Variants in BCAS3 observed in about 807,000 individuals in gnomAD.
BCAS3 encodes BCAS4/BCAS3 fusion.
Under a neutral mutation model 116.1 loss-of-function variants are expected in BCAS3, and 53 were observed. That is an observed-to-expected ratio of 0.46 (90% confidence interval 0.37 to 0.57). BCAS3 has a LOEUF of 0.57. Ranked by LOEUF, BCAS3 falls within the 20% of genes least tolerant of loss-of-function variation. The pLI is 0.00. For synonymous variants in BCAS3, 391 were observed against 408.2 expected, an observed-to-expected ratio of 0.96 and a Z score of 0.51; for missense variants, 917 against 1,165.4, an observed-to-expected ratio of 0.79 and a Z score of 3.10.
chr17:61,060,131 T>C (rs1310440041), intron 19 of BCAS3, among the ~76,000 whole-genome samples: 2 of 152,048 alleles, frequency 1.3e-5, no homozygotes, highest in Non-Finnish European at 2.9e-5. Context: ...TTATTATTTT[T>C]ATTTTTATTT....
At chr17:60,822,233 T>C (rs1294153512) in intron 7 of BCAS3, among the ~76,000 whole-genome samples, 4 of 152,260 alleles carry the variant, frequency 2.6e-5, no homozygotes, top group African/African-American at 9.6e-5. Flanking sequence ...TTCTGCCACT[T>C]GAGAAACACT....
intron 22 of BCAS3, among the ~76,000 whole-genome samples, chr17:61,297,407 A>ACTGT (rs1602496608): frequency 6.6e-6 from 1 of 152,094 alleles, no homozygotes; most frequent in Non-Finnish European, 1.5e-5. Flanking sequence ...ATTGGCTTAG[A>ACTGT]CTGTCTGGTG....
At chr17:60,926,892 T>C (rs1403279403) in intron 13 of BCAS3, among the ~76,000 whole-genome samples, 1 of 152,252 alleles carries the variant, frequency 6.6e-6, no homozygotes, top group Non-Finnish European at 1.5e-5. Context: ...TTTGTGTTTA[T>C]ACGATAAGGT....
chr17:61,004,092 G>T lies in BCAS3; in HGVS notation c.1487-11659G>T, dbSNP rs1480684818. Among the ~76,000 whole-genome samples, 1 of 152,062 alleles carries T rather than the reference G, an allele frequency of 6.6e-6. No individual in the cohort carries two copies. The highest frequency in any genetic ancestry group is 2.4e-5 in the African/African-American group (1 of 41,422). On this transcript the variant is annotated intron_variant, in intron 15 of 23. Transcript: ENST00000407086. This position sits in a 1 kb window ranked among gnomAD's most constrained non-coding sequence, Gnocchi z 4.8. The stretch of plus-strand genomic sequence containing the variant: ...TAACATTATTTTTGTCTAGTGATTA[G>T]AATAACAAAAAGAGGATTTGGAGAA...
At chr17:60,722,218 C>T (rs191034696) in intron 5 of BCAS3, among the ~76,000 whole-genome samples, 2 of 152,138 alleles carry the variant, frequency 1.3e-5, no homozygotes, top group African/African-American at 4.8e-5. Flanking sequence ...TTTTGGTGTA[C>T]GTAAACACTC....
In BCAS3 at chr17:61,249,180, G is replaced by A. The variant is rs538454249; in HGVS notation, c.2426-119147G>A. Among the ~76,000 whole-genome samples the A allele has an allele frequency of 6.0e-4, 92 of 152,146 alleles. No homozygotes were observed. The highest frequency in any genetic ancestry group is 2.1e-3 in the African/African-American group (87 of 41,512). On this transcript the variant is annotated intron_variant, in intron 22 of 23. Transcript: ENST00000407086. The surrounding 1 kb of genome is among the most constrained non-coding windows in gnomAD (Gnocchi z 6.2). Reference sequence around the variant, plus strand: ...CGGGTGCCTGTAATCCCAGCTACTCGGGAGGCTGAGGCAGGAGAATCACTT... The same window carrying A: ...CGGGTGCCTGTAATCCCAGCTACTCAGGAGGCTGAGGCAGGAGAATCACTT...
intron 22 of BCAS3, among the ~76,000 whole-genome samples, chr17:61,206,615 C>T (rs969041520): frequency 3.3e-5 from 5 of 151,902 alleles, no homozygotes; most frequent in Admixed American, 1.3e-4. Context: ...GCCTGATCAA[C>T]GTGGTGAAAC....
At chr17:60,986,250 C>G (rs1488576040) in intron 14 of BCAS3, among the ~76,000 whole-genome samples, 1 of 152,106 alleles carries the variant, frequency 6.6e-6, no homozygotes, top group East Asian at 1.9e-4. Context: ...GTTGATGGGT[C>G]CTTAGGTTGC....
At position 61,139,571 on chromosome 17, in the gene BCAS3, G is replaced by A. The variant is rs2076816809; in HGVS notation, c.2425+55007G>A. 6.6e-6 allele frequency among the ~76,000 whole-genome samples: 1 copy of A among 152,122 alleles called. No homozygotes were observed. Among genetic ancestry groups the A allele is most frequent in the Admixed American group, 6.5e-5 (1 of 15,286 alleles). ...AGCTACCTAAGAAACTCCCTTTGAAGGATTCCTTGTGTGGACTGCTTATCA... is the reference window on the plus strand; with the variant it reads ...AGCTACCTAAGAAACTCCCTTTGAAAGATTCCTTGTGTGGACTGCTTATCA... On this transcript the variant is annotated intron_variant, in intron 22 of 23. Transcript: ENST00000407086. This position sits in a 1 kb window ranked among gnomAD's most constrained non-coding sequence, Gnocchi z 4.7.
rs72319489 is a variant in BCAS3 at position 60,786,547 on chromosome 17, G to GTATA, written c.404-21436_404-21433dup. On this transcript the variant is annotated intron_variant, in intron 6 of 23. Coordinates refer to ENST00000407086, the MANE Select transcript of BCAS3 (RefSeq NM_017679.5). Reference sequence around the variant, plus strand: ...AACATTCCCCACTGCCTGCAAATGTGTATATATATATATATATATATATAA... The same window carrying GTATA: ...AACATTCCCCACTGCCTGCAAATGTGTATATATATATATATATATATATATATAA... 2.3e-3 allele frequency among the ~76,000 whole-genome samples: 329 copies of GTATA among 140,744 alleles called. 2 individuals carry two copies. The highest frequency in any genetic ancestry group is 7.7e-3 in the South Asian group (32 of 4,164). The allele number at this position is 140,744 out of a possible 152,430, so 92.3% of individuals were successfully genotyped here.
chr17:60,991,303 C>G (rs1255006227), intron 15 of BCAS3, among the ~76,000 whole-genome samples: 1 of 152,158 alleles, frequency 6.6e-6, no homozygotes, highest in Admixed American at 6.5e-5. Context: ...ATTTACAGCT[C>G]TCATTTATTC....
intron 22 of BCAS3, among the ~76,000 whole-genome samples, chr17:61,232,214 A>AG (rs1374209766): frequency 1.3e-5 from 2 of 151,498 alleles, no homozygotes; most frequent in African/African-American, 4.8e-5. Context: ...AAAAAAAAAA[A>AG]AAAAAAAGAA....
At chr17:61,351,714 A>G (rs2143342225) in intron 22 of BCAS3, among the ~76,000 whole-genome samples, 1 of 152,296 alleles carries the variant, frequency 6.6e-6, no homozygotes, top group East Asian at 1.9e-4. Context: ...CCCCTTCCGC[A>G]TCTCAGAATG....
Position 61,368,583 on chromosome 17 carries a change from G to A in BCAS3, c.2593+89G>A. 2 of 1,410,058 alleles carry A rather than the reference G, an allele frequency of 1.4e-6. No individual in the cohort carries two copies. The highest frequency in any genetic ancestry group is 1.9e-6 in the Non-Finnish European group (2 of 1,054,596). 87.3% of individuals were successfully genotyped at this position (1,410,058 alleles called of 1,614,324 possible). A position where few individuals can be genotyped will look rare whatever the true frequency, so the allele number is the denominator to read the frequency against. Reference sequence around the variant, plus strand: ...TCTCTGGAATCGTTTGTGGGCATATGTTTGTTTTTGCTGTTGGTTTCTTTA... The same window carrying A: ...TCTCTGGAATCGTTTGTGGGCATATATTTGTTTTTGCTGTTGGTTTCTTTA... On this transcript the variant is annotated intron_variant, in intron 23 of 23. Transcript: ENST00000407086. This position sits in a 1 kb window ranked among gnomAD's most constrained non-coding sequence, Gnocchi z 6.0.
intron 6 of BCAS3, among the ~76,000 whole-genome samples, chr17:60,807,569 G>A (rs2048392384): frequency 6.6e-6 from 1 of 152,110 alleles, no homozygotes; most frequent in African/African-American, 2.4e-5. Context: ...ATCACTTGAG[G>A]TCAGGAGTGT....
chr17:61,329,343 A>ATTT (rs35909318), intron 22 of BCAS3, among the ~76,000 whole-genome samples: 26 of 131,240 alleles, frequency 2.0e-4, no homozygotes, highest in South Asian at 4.8e-4. Context: ...TATTATTATT[A>ATTT]TTTTTTTTTT....
intron 22 of BCAS3, among the ~76,000 whole-genome samples, chr17:61,127,525 G>C (rs1043247583): frequency 1.3e-5 from 2 of 151,688 alleles, no homozygotes; most frequent in African/African-American, 2.4e-5. Flanking sequence ...TTAAAATAAT[G>C]AAGATAAAAT....
At chr17:60,800,971 A>G (rs1467589780) in intron 6 of BCAS3, among the ~76,000 whole-genome samples, 1 of 152,092 alleles carries the variant, frequency 6.6e-6, no homozygotes, top group Non-Finnish European at 1.5e-5. Flanking sequence ...CTATAGTTAT[A>G]TAACTCCTGA....
At chr17:60,873,345 A>G (rs2144910037) in intron 8 of BCAS3, among the ~76,000 whole-genome samples, 1 of 152,304 alleles carries the variant, frequency 6.6e-6, no homozygotes, top group East Asian at 1.9e-4. Context: ...TTAAAGATGA[A>G]CAAAATTAAT....
Sources: gnomAD v4.1 joint callset for allele counts (sites outside exome capture counted in the v4.1 genomes callset) on GRCh38, gnomAD v4.1.1 for gene constraint, Gnocchi (gnomAD v3.1) non-coding constraint, MANE v1.5 for transcripts, NCBI Gene and HGNC (gene_info 2026-07-23, HGNC 2026-07-21) for gene names.